The following RBM19 variants were observed in gnomAD, a reference collection of about 807,000 sequenced individuals.
The protein encoded by RBM19 is RNA binding motif protein 19, also known as probable RNA-binding protein 19.
RBM19 carries 94 observed loss-of-function variants against 116.8 expected under a neutral mutation model. That is an observed-to-expected ratio of 0.80 (90% confidence interval 0.68 to 0.95). RBM19 has a LOEUF of 0.95. Among genes scored for constraint, RBM19 ranks in the 40% least tolerant of loss-of-function variants. The pLI is 0.00. For missense variants in RBM19, 1,161 were observed against 1,220.7 expected (o/e 0.95, Z 0.73); for synonymous variants, 475 against 494.1 (o/e 0.96, Z 0.51).
chr12:113,898,400 TAG>T lies in RBM19; in HGVS notation c.2558+16567_2558+16568del, dbSNP rs537969384. On this transcript the variant is annotated intron_variant, in intron 21 of 23. Coordinates refer to ENST00000261741, the MANE Select transcript of RBM19 (RefSeq NM_016196.4). This position sits in a 1 kb window ranked among gnomAD's most constrained non-coding sequence, Gnocchi z 4.3. ...ACACAGACATGATGCCTTTGGACAC[TAG>T]AGTGTTCAGATCATGTCTCTGCACC... 1.9e-4 allele frequency among the ~76,000 whole-genome samples: 29 copies of T among 152,260 alleles called. No homozygotes were observed. In the South Asian group the frequency reaches 6.0e-3, roughly 32 times the overall value.
intron 21 of RBM19, among the ~76,000 whole-genome samples, chr12:113,899,353 G>A (rs1044203294): frequency 3.3e-5 from 5 of 152,194 alleles, no homozygotes; most frequent in African/African-American, 1.2e-4. Context: ...GCAACCCTAA[G>A]CCAGGAGTGA....
intron 21 of RBM19, among the ~76,000 whole-genome samples, chr12:113,883,651 G>A (rs1175455478): frequency 6.6e-6 from 1 of 152,260 alleles, no homozygotes; most frequent in Non-Finnish European, 1.5e-5. Context: ...TAGGTAACCT[G>A]GCCAAGGCCA....
chr12:113,952,819 C>T (rs923201624), intron 7 of RBM19, among the ~76,000 whole-genome samples: 1 of 152,104 alleles, frequency 6.6e-6, no homozygotes, highest in East Asian at 1.9e-4. Context: ...TCACTATCAG[C>T]GTTAAAATAG....
At position 113,948,880 on chromosome 12, in the gene RBM19, G is replaced by T. The variant is rs768201044; in HGVS notation, c.1229C>A (p.Pro410His). 5 of 1,614,156 alleles carry T rather than the reference G, an allele frequency of 3.1e-6. No individual in the cohort carries two copies. The highest frequency in any genetic ancestry group is 3.4e-6 in the Non-Finnish European group (4 of 1,180,014). ...ESGRLFVRNL[P>H]YTSTEEDLEK... is the part of the protein sequence containing the mutation. ...CAGATCCTCCTCGGTGCTGGTGTAG[G>T]GCAGGTTCCGTACAAAGAGCCTTCC... The change falls in exon 10 of 24, where the codon CCC becomes CAC. Residue 410 changes from proline to histidine, a missense_variant. Transcript: ENST00000261741.
rs1214921608 is a variant in RBM19 at position 113,927,089 on chromosome 12, G to T, written c.2209C>A (p.Leu737Ile). Reference sequence around the variant, plus strand: ...TTCTCTTCTGTTGTGTCAAAATTGAGATTCTTAATAAACAGAGTACATCCT... The same window carrying T: ...TTCTCTTCTGTTGTGTCAAAATTGATATTCTTAATAAACAGAGTACATCCT... ...LPGCTLFIKN[L>I]NFDTTEEKLK... Residue 737 changes from leucine (L) to isoleucine (I), a missense_variant, in exon 17 of 24, where the codon CTC (leucine) becomes ATC (isoleucine). Physicochemically the swap from Leu to Ile is conservative, Grantham distance 5. Coordinates refer to ENST00000261741, the MANE Select transcript of RBM19 (RefSeq NM_016196.4). 6.2e-7 allele frequency: 1 copy of T among 1,613,418 alleles called. No homozygotes were observed. Among genetic ancestry groups the T allele is most frequent in the Non-Finnish European group, 8.5e-7 (1 of 1,180,000 alleles).
At chr12:113,930,637 G>A (rs1869518554) in intron 16 of RBM19, among the ~76,000 whole-genome samples, 1 of 152,188 alleles carries the variant, frequency 6.6e-6, no homozygotes, top group African/African-American at 2.4e-5. Flanking sequence ...CCTTCGGGAG[G>A]AACACCCAGC....
At chr12:113,855,153 G>A (rs3782436) in intron 22 of RBM19, among the ~76,000 whole-genome samples, 34,812 of 152,154 alleles carry the variant, frequency 0.23, 4,322 homozygotes, top group East Asian at 0.47. Flanking sequence ...CCCTCAGTTC[G>A]GGGACGGTGG....
At chr12:113,821,681 C>T (rs1447865403), downstream of RBM19, among the ~76,000 whole-genome samples, 2 of 152,076 alleles carry the variant, frequency 1.3e-5, no homozygotes, top group African/African-American at 4.8e-5. Context: ...CTTTGGGAGG[C>T]TAAGGTGGGA....
chr12:113,841,001 G>GCC (rs1876424403), intron 23 of RBM19, among the ~76,000 whole-genome samples: 5 of 152,220 alleles, frequency 3.3e-5, no homozygotes, highest in African/African-American at 1.2e-4. Flanking sequence ...TGGCACTGGG[G>GCC]AAGGGTTCGT....
At chr12:113,875,144 G>C (rs1378299868) in intron 21 of RBM19, among the ~76,000 whole-genome samples, 1 of 152,262 alleles carries the variant, frequency 6.6e-6, no homozygotes, top group East Asian at 1.9e-4. Flanking sequence ...CATGTCAGGG[G>C]ACAGGGAGCA....
chr12:113,952,761 A>G (rs984917302), intron 7 of RBM19, among the ~76,000 whole-genome samples, 171 bp from the exon 8 acceptor site: 37 of 152,248 alleles, frequency 2.4e-4, no homozygotes, highest in Non-Finnish European at 3.1e-4. Flanking sequence ...AAAATGTGAA[A>G]AAGAAAATTG....
At chr12:113,840,065 T>C (rs1876330460) in intron 23 of RBM19, among the ~76,000 whole-genome samples, 1 of 151,418 alleles carries the variant, frequency 6.6e-6, no homozygotes, top group Admixed American at 6.7e-5. Flanking sequence ...GTAATGCAAT[T>C]ACCAGGCGTT....
chr12:113,830,574 GC>G (rs112816051), intron 23 of RBM19, among the ~76,000 whole-genome samples: 4,876 of 30,434 alleles, frequency 0.16, 812 homozygotes, highest in East Asian at 0.34. Context: ...GGGCTGCGGG[GC>G]GGGGGGGGGG....
intron 23 of RBM19, among the ~76,000 whole-genome samples, chr12:113,831,788 G>A (rs1593456031): frequency 6.6e-6 from 1 of 152,336 alleles, no homozygotes; most frequent in African/African-American, 2.4e-5. Context: ...CGAAGCACTT[G>A]GAATTATTTC....
intron 23 of RBM19, among the ~76,000 whole-genome samples, chr12:113,839,497 A>G (rs1876276730): frequency 6.6e-6 from 1 of 152,214 alleles, no homozygotes; most frequent in African/African-American, 2.4e-5. Context: ...GGTAAACCTG[A>G]CTATCGTTTC....
chr12:113,937,069 T>G lies in RBM19; in HGVS notation c.2006A>C (p.Lys669Thr), dbSNP rs1395899358. Residue 669 changes from lysine to threonine, a missense_variant, in exon 16 of 24, where the codon AAG becomes ACG. Coordinates refer to ENST00000261741, the MANE Select transcript of RBM19 (RefSeq NM_016196.4). ...VGVFSSTAPQ[K>T]KKLQDTPSEP... ...TGAAGGTGTGTCTTGGAGCTTTTTCTTCTGTGGGGCTGTGCTGGAGAAGAC... is the reference window on the plus strand; with the variant it reads ...TGAAGGTGTGTCTTGGAGCTTTTTCGTCTGTGGGGCTGTGCTGGAGAAGAC... 1.9e-6 allele frequency: 3 copies of G among 1,614,202 alleles called. No individual in the cohort carries two copies. In the East Asian group the frequency reaches 6.7e-5, roughly 36 times the overall value.
chr12:113,901,223 C>A (rs1397297850), intron 21 of RBM19, among the ~76,000 whole-genome samples: 1 of 152,084 alleles, frequency 6.6e-6, no homozygotes, highest in Non-Finnish European at 1.5e-5. Context: ...GTACAGTTAG[C>A]CTAGATTTAA....
At chr12:113,928,625 A>ATGTGTGTGTGTGTGTGTGTGTGTG (rs57242923) in intron 16 of RBM19, among the ~76,000 whole-genome samples, 20 of 120,424 alleles carry the variant, frequency 1.7e-4, no homozygotes, top group African/African-American at 4.8e-4. Flanking sequence ...TTAGCAAGGG[A>ATGTGTGTGTGTGTGTGTGTGTGTG]TGTGTGTGTG....
intron 21 of RBM19, among the ~76,000 whole-genome samples, chr12:113,872,414 C>T (rs1324403891): frequency 9.6e-5 from 14 of 146,548 alleles, no homozygotes; most frequent in South Asian, 2.2e-4. Context: ...GCCCTCCGCC[C>T]GGCCAGCCGC....
Sources: allele counts gnomAD v4.1 joint callset (sites outside exome capture counted in the v4.1 genomes callset), GRCh38; gene constraint gnomAD v4.1.1; non-coding constraint Gnocchi (gnomAD v3.1); transcripts MANE v1.5; gene names NCBI Gene and HGNC (gene_info 2026-07-23, HGNC 2026-07-21).